Variants in CCDC102B observed in about 807,000 individuals in gnomAD.
CCDC102B encodes the protein coiled-coil domain containing 102B, also known as coiled-coil domain-containing protein 102B.
Under a neutral mutation model 57.4 loss-of-function variants are expected in CCDC102B, and 75 were observed. The observed-to-expected ratio is 1.31, with a 90% CI of 1.08 to 1.58. The LOEUF is 1.58. Among genes scored for constraint, CCDC102B ranks in the 40% most tolerant of loss-of-function variants. The probability of loss-of-function intolerance (pLI) is 0.00; values close to 1 mark genes in which losing one functional copy is unlikely to be tolerated. For missense variants in CCDC102B, 636 were observed against 582.6 expected (o/e 1.09, Z -0.94); for synonymous variants, 206 against 201.9 (o/e 1.02, Z -0.17).
chr18:68,959,199 AC>A (rs2049984838), intron 6 of CCDC102B, among the ~76,000 whole-genome samples: 1 of 152,182 alleles, frequency 6.6e-6, no homozygotes, highest in African/African-American at 2.4e-5. Context: ...GTCTTTGGTC[AC>A]TACAGTCATA....
intron 1 of CCDC102B, among the ~76,000 whole-genome samples, chr18:68,832,757 G>A (rs2037200345): frequency 1.5e-5 from 2 of 135,144 alleles, no homozygotes; most frequent in African/African-American, 5.4e-5. Context: ...AGGATGAGAA[G>A]CCAGGGGGAA....
chr18:68,983,874 A>T (rs1213328048), intron 6 of CCDC102B, among the ~76,000 whole-genome samples: 1 of 152,026 alleles, frequency 6.6e-6, no homozygotes, highest in East Asian at 1.9e-4. Context: ...TCAGAGCTGC[A>T]TGTTTAAAGG....
chr18:68,740,232 C>T (rs1272477121), intron 2 of CCDC102B, among the ~76,000 whole-genome samples: 1 of 152,076 alleles, frequency 6.6e-6, no homozygotes, highest in African/African-American at 2.4e-5. Flanking sequence ...GGATAATCAA[C>T]CCCAGTTAAG....
chr18:68,885,523 G>A (rs1435792708), intron 5 of CCDC102B, among the ~76,000 whole-genome samples: 1 of 151,994 alleles, frequency 6.6e-6, no homozygotes, highest in Non-Finnish European at 1.5e-5. Context: ...AGCACATATA[G>A]ATGATCAGAA....
intron 5 of CCDC102B, among the ~76,000 whole-genome samples, chr18:68,875,628 A>G (rs1265175036): frequency 6.6e-6 from 1 of 152,154 alleles, no homozygotes; most frequent in Non-Finnish European, 1.5e-5. Context: ...AATATAGTGC[A>G]ATGGGAAATA....
At chr18:68,790,120 G>A (rs1161088863) in intron 2 of CCDC102B, among the ~76,000 whole-genome samples, 2 of 149,864 alleles carry the variant, frequency 1.3e-5, no homozygotes, top group East Asian at 2.0e-4. Context: ...CTGCTGGGGG[G>A]TGCCTCCCAG....
At chr18:68,910,950 G>A (rs889844296) in intron 6 of CCDC102B, among the ~76,000 whole-genome samples, 9 of 151,880 alleles carry the variant, frequency 5.9e-5, no homozygotes, top group African/African-American at 2.2e-4. Flanking sequence ...TGATGGTGAG[G>A]TTGTGAAATA....
intron 1 of CCDC102B, among the ~76,000 whole-genome samples, chr18:68,811,662 G>T (rs1469875950): frequency 6.6e-6 from 1 of 151,460 alleles, no homozygotes; most frequent in African/African-American, 2.4e-5. Context: ...ATTTAGGCAG[G>T]CAGAAGGGTC....
At chr18:68,749,129 G>A (rs990658087) in intron 2 of CCDC102B, among the ~76,000 whole-genome samples, 1 of 152,040 alleles carries the variant, frequency 6.6e-6, no homozygotes, top group African/African-American at 2.4e-5. Flanking sequence ...TGTTCCATTG[G>A]TCTATATCTC....
At position 68,891,279 on chromosome 18, in the gene CCDC102B, G is replaced by A. The variant is rs76119761; in HGVS notation, c.1054-5940G>A. On this transcript the variant is annotated intron_variant, in intron 5 of 7. Coordinates refer to ENST00000360242, the MANE Select transcript of CCDC102B (RefSeq NM_024781.3). ...ATTAAATTAGAGTTCTGTGTTCACA[G>A]GTCACTTAAACTATATTCTGTGGTT... is the stretch of plus-strand genomic sequence containing the variant. Among the ~76,000 whole-genome samples the A allele has an allele frequency of 1.5e-3, 225 of 152,238 alleles. 1 individual carries two copies. Among genetic ancestry groups the A allele is most frequent in the African/African-American group, 5.2e-3 (218 of 41,540 alleles).
intron 4 of CCDC102B, among the ~76,000 whole-genome samples, chr18:68,857,530 C>G (rs932938300): frequency 6.8e-5 from 10 of 148,048 alleles, no homozygotes; most frequent in Non-Finnish European, 1.3e-4. Context: ...TTCCACTTAC[C>G]TTGTATCACT....
chr18:68,877,440 T>C (rs1282655108), intron 5 of CCDC102B, among the ~76,000 whole-genome samples: 1 of 152,224 alleles, frequency 6.6e-6, no homozygotes, highest in Non-Finnish European at 1.5e-5. Context: ...CACAAACACA[T>C]ACATTTGAAC....
In CCDC102B at chr18:68,864,347, C is replaced by G. The variant is rs529977450; in HGVS notation, c.937-10322C>G. Among the ~76,000 whole-genome samples the G allele has an allele frequency of 3.3e-5, 5 of 152,082 alleles. No homozygotes were observed. In the East Asian group the frequency reaches 9.7e-4, roughly 29 times the overall value. On this transcript the variant is annotated intron_variant, in intron 4 of 7. Coordinates refer to ENST00000360242, the MANE Select transcript of CCDC102B (RefSeq NM_024781.3). ...AAAGAAGAAAACAAGAAAGGTCACC[C>G]AGAGAGAAGCATACTGAGATTTTTG... is the stretch of plus-strand genomic sequence containing the variant.
chr18:68,891,220 A>G (rs755324264), intron 5 of CCDC102B, among the ~76,000 whole-genome samples: 4 of 152,148 alleles, frequency 2.6e-5, no homozygotes, highest in Non-Finnish European at 4.4e-5. Flanking sequence ...TTTCTGTGCA[A>G]TCCTTTTTGC....
At chr18:69,002,938 GA>G (rs2051244525) in intron 6 of CCDC102B, among the ~76,000 whole-genome samples, 1 of 152,068 alleles carries the variant, frequency 6.6e-6, no homozygotes, top group African/African-American at 2.4e-5. Flanking sequence ...TCTGTTAGAA[GA>G]GTTCTCCCAC....
chr18:68,741,711 A>ACCC (rs1318926602), intron 2 of CCDC102B, among the ~76,000 whole-genome samples: 2 of 79,316 alleles, frequency 2.5e-5, no homozygotes, highest in African/African-American at 9.7e-5. Context: ...ACACACACAC[A>ACCC]CACCCCAAGA....
chr18:68,758,895 A>G (rs2034149954), intron 2 of CCDC102B, among the ~76,000 whole-genome samples: 1 of 151,734 alleles, frequency 6.6e-6, no homozygotes, highest in African/African-American at 2.4e-5. Flanking sequence ...ATAAAAATAC[A>G]ACAACTTAAA....
intron 1 of CCDC102B, among the ~76,000 whole-genome samples, chr18:68,815,648 A>C (rs932609423): frequency 3.4e-5 from 5 of 148,032 alleles, no homozygotes; most frequent in Admixed American, 2.1e-4. Flanking sequence ...CATTTCTGTC[A>C]TTCCAGCCAC....
At position 68,903,992 on chromosome 18, in the gene CCDC102B, T is replaced by C. The variant is rs190259511; in HGVS notation, c.1263+6564T>C. Among the ~76,000 whole-genome samples, 154 of 152,374 alleles carry C rather than the reference T, an allele frequency of 1.0e-3. 1 individual carries two copies. Among genetic ancestry groups the C allele is most frequent in the Admixed American group, 2.4e-3 (37 of 15,312 alleles). ...CTTCAAAAATAGTTTATTTCATCAG[T>C]GGTTTAGCAGGCAAACCTATCAATT... On this transcript the variant is annotated intron_variant, in intron 6 of 7. Coordinates refer to ENST00000360242, the MANE Select transcript of CCDC102B (RefSeq NM_024781.3).
Sources: allele counts gnomAD v4.1 joint callset (sites outside exome capture counted in the v4.1 genomes callset), GRCh38; gene constraint gnomAD v4.1.1; transcripts MANE v1.5; gene names NCBI Gene and HGNC (gene_info 2026-07-23, HGNC 2026-07-21).